The following SMAD6 variants were observed in gnomAD, a reference collection of about 807,000 sequenced individuals.
SMAD6 encodes MAD homolog 6.
A neutral mutation model predicts 39.4 loss-of-function variants in SMAD6; 103 were observed. The ratio of observed to expected loss-of-function variants is 2.62; its 90% CI spans 2.23 to 3.08. The LOEUF is 3.08. SMAD6 is among the 30% of genes most tolerant of loss of function. The probability of loss-of-function intolerance (pLI) is 0.00; values close to 1 mark genes in which losing one functional copy is unlikely to be tolerated. For synonymous variants in SMAD6, 445 were observed against 353.3 expected (o/e 1.26, Z -2.91); for missense variants, 1,104 against 742.9 (o/e 1.49, Z -5.65).
intron 3 of SMAD6, among the ~76,000 whole-genome samples, chr15:66,780,169 C>A (rs1894532649): frequency 6.6e-6 from 1 of 152,196 alleles, no homozygotes. Context: ...CATTTAGGGA[C>A]CCTCAGCTCC....
intron 3 of SMAD6, among the ~76,000 whole-genome samples, chr15:66,743,599 C>T (rs767672275): frequency 1.3e-5 from 2 of 151,214 alleles, no homozygotes; most frequent in South Asian, 2.1e-4. Context: ...AAAAGCAGTA[C>T]GTGATTCATG....
intron 3 of SMAD6, among the ~76,000 whole-genome samples, chr15:66,737,185 C>T (rs943353843): frequency 2.0e-5 from 3 of 152,214 alleles, no homozygotes; most frequent in African/African-American, 7.2e-5. Context: ...GTCAGCCTGG[C>T]ACACAGGCTC....
intron 3 of SMAD6, among the ~76,000 whole-genome samples, chr15:66,732,091 G>A (rs543351024): frequency 6.6e-6 from 1 of 151,966 alleles, no homozygotes; most frequent in South Asian, 2.1e-4. Flanking sequence ...CTGCAGGCAT[G>A]CGCCACCACA....
intron 1 of SMAD6, chr15:66,704,399 A>G (rs1193680643): frequency 4.0e-6 from 1 of 247,720 alleles, no homozygotes; most frequent in Non-Finnish European, 7.7e-6. Context: ...AGGAGAGACC[A>G]AAGAAGTAGG....
At chr15:66,731,004 CTTG>C (rs1468940362) in intron 3 of SMAD6, among the ~76,000 whole-genome samples, 2 of 145,354 alleles carry the variant, frequency 1.4e-5, no homozygotes, top group Non-Finnish European at 1.5e-5. Flanking sequence ...CTGTGTAGAG[CTTG>C]TTGTTTTTGT....
intron 3 of SMAD6, among the ~76,000 whole-genome samples, chr15:66,756,902 C>T (rs967391840): frequency 2.0e-5 from 3 of 152,358 alleles, no homozygotes; most frequent in East Asian, 3.9e-4. Flanking sequence ...TTCCTTCCTC[C>T]TCCCCTACAG....
intron 3 of SMAD6, among the ~76,000 whole-genome samples, chr15:66,768,850 G>T (rs760910693): frequency 2.6e-5 from 4 of 152,316 alleles, no homozygotes; most frequent in Admixed American, 6.5e-5. Flanking sequence ...TCTGTTAGGC[G>T]ACATAGTACC....
At chr15:66,730,769 A>G (rs937892026) in intron 3 of SMAD6, among the ~76,000 whole-genome samples, 3 of 152,206 alleles carry the variant, frequency 2.0e-5, no homozygotes, top group Admixed American at 6.5e-5. Flanking sequence ...TTCTATTGTA[A>G]CTTATCTCCA....
At chr15:66,780,875 T>G (rs1894546483) in intron 3 of SMAD6, 122 bp from the exon 4 acceptor site, 1 of 953,258 alleles carries the variant, frequency 1.0e-6, no homozygotes, top group Non-Finnish European at 1.5e-6. Flanking sequence ...CCCACATGAC[T>G]GCTGAATGCT....
At chr15:66,704,563 C>T (rs1037637499) in intron 1 of SMAD6, 1 of 153,266 alleles carries the variant, frequency 6.5e-6, no homozygotes, top group African/African-American at 2.4e-5. Flanking sequence ...TAGCTAGAAT[C>T]AAAAGTGTTC....
At chr15:66,732,773 A>T (rs1893652460) in intron 3 of SMAD6, among the ~76,000 whole-genome samples, 1 of 152,072 alleles carries the variant, frequency 6.6e-6, no homozygotes, top group South Asian at 2.1e-4. Flanking sequence ...ATTTCCTCTC[A>T]GTCTGTGTCT....
intron 1 of SMAD6, among the ~76,000 whole-genome samples, chr15:66,708,923 G>A (rs776932207): frequency 2.0e-5 from 3 of 152,236 alleles, no homozygotes; most frequent in Non-Finnish European, 4.4e-5. Context: ...GAATCTTAGG[G>A]TATGTGAATT....
rs909606946 is a variant in SMAD6 at position 66,781,877 on chromosome 15, G to A, written c.*342G>A. ...TTTTATATATATATATAAAGAAAAT[G>A]ATACAGCAGAGCTAGGTGGAAAAGC... On this transcript the variant is annotated 3_prime_UTR_variant, in exon 4 of 4. Transcript: ENST00000288840. 5.0e-6 allele frequency: 2 copies of A among 398,640 alleles called. No homozygotes were observed. Among genetic ancestry groups the A allele is most frequent in the Non-Finnish European group, 8.8e-6 (2 of 226,006 alleles). 24.7% of individuals were successfully genotyped at this position (398,640 alleles called of 1,614,324 possible). A position where few individuals can be genotyped will look rare whatever the true frequency, so the allele number is the denominator to read the frequency against.
At chr15:66,722,120 A>G (rs897596740) in intron 3 of SMAD6, among the ~76,000 whole-genome samples, 4 of 152,152 alleles carry the variant, frequency 2.6e-5, no homozygotes, top group African/African-American at 9.7e-5. Flanking sequence ...GATTTTTTTA[A>G]AAAACTTCTA....
chr15:66,729,175 C>T (rs1893577346), intron 3 of SMAD6, among the ~76,000 whole-genome samples: 1 of 152,174 alleles, frequency 6.6e-6, no homozygotes, highest in South Asian at 2.1e-4. Flanking sequence ...TCTGCCCACA[C>T]GGAGGTGGTG....
chr15:66,718,748 GC>G (rs1190322493), intron 3 of SMAD6, among the ~76,000 whole-genome samples: 2 of 152,162 alleles, frequency 1.3e-5, no homozygotes, highest in Admixed American at 6.5e-5. Flanking sequence ...CCTACTGGGA[GC>G]CCAAAGACAT....
intron 3 of SMAD6, among the ~76,000 whole-genome samples, chr15:66,733,352 G>C (rs1281471697): frequency 6.6e-6 from 1 of 152,060 alleles, no homozygotes; most frequent in Non-Finnish European, 1.5e-5. Context: ...GTTTTGATTG[G>C]GATTGCATTG....
intron 1 of SMAD6, chr15:66,708,239 GTTA>G (rs1893158113): frequency 6.5e-6 from 1 of 154,160 alleles, no homozygotes; most frequent in Non-Finnish European, 1.4e-5. Flanking sequence ...GAGCAAATTG[GTTA>G]TTATTTTAAA....
At chr15:66,748,766 A>G (rs560779459) in intron 3 of SMAD6, among the ~76,000 whole-genome samples, 9 of 152,164 alleles carry the variant, frequency 5.9e-5, no homozygotes, top group East Asian at 1.9e-4. Context: ...GCCCAAGACT[A>G]TCAGGAAAAG....
Sources: allele counts gnomAD v4.1 joint callset (sites outside exome capture counted in the v4.1 genomes callset), GRCh38; gene constraint gnomAD v4.1.1; transcripts MANE v1.5; gene names NCBI Gene and HGNC (gene_info 2026-07-23, HGNC 2026-07-21).